Variants in SLC22A25 observed in about 807,000 individuals in gnomAD.
SLC22A25 encodes the protein solute carrier family 22 member 25, also known as MGI:2442751, MGI:2385316, MGI:3042283, MGI:3645714, MGI:3605624, MGI:2442750.
SLC22A25 carries 44 observed loss-of-function variants against 45.9 expected under a neutral mutation model. The ratio of observed to expected loss-of-function variants is 0.96; its 90% CI spans 0.75 to 1.23. The LOEUF is 1.23. SLC22A25 is among the 50% of genes most tolerant of loss of function. The pLI is 0.00. For missense variants in SLC22A25, 800 were observed against 666.4 expected, an observed-to-expected ratio of 1.20 and a Z score of -2.21; for synonymous variants, 283 against 238.6, an observed-to-expected ratio of 1.19 and a Z score of -1.72.
chr11:63,189,190 C>G (rs983961846), intron 7 of SLC22A25, among the ~76,000 whole-genome samples: 67 of 151,986 alleles, frequency 4.4e-4, no homozygotes, highest in African/African-American at 1.4e-3. Flanking sequence ...AAGTCTCTTC[C>G]TAGGTCTCTA....
chr11:63,228,609 G>C (rs775951052), intron 4 of SLC22A25, 45 bp from the exon 5 acceptor site: 4 of 1,397,928 alleles, frequency 2.9e-6, no homozygotes, highest in Non-Finnish European at 4.0e-6. Context: ...TAGCCCCTCA[G>C]TGTAACCTTA....
rs150816477 is a variant in SLC22A25 at position 63,194,686 on chromosome 11, A to G, written c.831-10869T>C. Among the ~76,000 whole-genome samples the G allele has an allele frequency of 7.2e-3, 1,095 of 152,070 alleles. 9 individuals carry two copies. Among genetic ancestry groups the G allele is most frequent in the African/African-American group, 0.024 (1,005 of 41,474 alleles). On this transcript the variant is annotated intron_variant, in intron 7 of 11. Transcript: ENST00000306494. ...AGCAAAATAATCAGCTAACATCATAATGACAGGATCAAATTCACACATAAC... is the reference window on the plus strand; with the variant it reads ...AGCAAAATAATCAGCTAACATCATAGTGACAGGATCAAATTCACACATAAC...
chr11:63,189,141 G>T (rs773400471), intron 7 of SLC22A25, among the ~76,000 whole-genome samples: 1 of 152,112 alleles, frequency 6.6e-6, no homozygotes, highest in Non-Finnish European at 1.5e-5. Flanking sequence ...TGTTGACAGT[G>T]GGGTGTTAAA....
In SLC22A25 at chr11:63,164,028, T is replaced by TC. The variant is rs973443093; in HGVS notation, c.1439dup (p.Ala481SerfsTer37). The TC allele has an allele frequency of 6.2e-7, 1 of 1,611,304 alleles. No individual in the cohort carries two copies. The highest frequency in any genetic ancestry group is 8.5e-7 in the Non-Finnish European group (1 of 1,178,682). The stretch of plus-strand genomic sequence containing the variant: ...GGATCATCATGAGGGAAGCCAGGGC[T>TC]CCCCCAATATTAGCAAAGTTTCCAG... On this transcript the variant is annotated frameshift_variant, in exon 12 of 12. Coordinates refer to ENST00000306494, the MANE Select transcript of SLC22A25 (RefSeq NM_199352.6). LOFTEE classifies it low-confidence loss of function (END_TRUNC).
chr11:63,197,046 A>C (rs2089063389), intron 7 of SLC22A25, among the ~76,000 whole-genome samples: 1 of 152,156 alleles, frequency 6.6e-6, no homozygotes, highest in Non-Finnish European at 1.5e-5. Flanking sequence ...TCCAACTTAC[A>C]AGATATGTGA....
At chr11:63,207,016 A>G (rs548852253) in intron 7 of SLC22A25, among the ~76,000 whole-genome samples, 6 of 152,306 alleles carry the variant, frequency 3.9e-5, no homozygotes, top group African/African-American at 1.4e-4. Context: ...ACCTGACAAA[A>G]ACAAGCAATG....
Position 63,166,051 on chromosome 11 carries a change from C to A in SLC22A25, c.1278G>T (p.Val426=), listed in dbSNP as rs139552228. 2 of 1,613,768 alleles carry A rather than the reference C, an allele frequency of 1.2e-6. No individual in the cohort carries two copies. Among genetic ancestry groups the A allele is most frequent in the Admixed American group, 3.3e-5 (2 of 59,992 alleles). Residue 426 remains valine, a synonymous_variant, in exon 10 of 12, where the codon GTG becomes GTT. Coordinates refer to ENST00000306494, the MANE Select transcript of SLC22A25 (RefSeq NM_199352.6). The part of the protein sequence containing the change: ...LATCLLAIIF[V]PQEMQTLRVV... ...CCTGTGAACTTTTCTCACCTTGAGGCACAAATATGATGGCCAGAAGGCAGG... is the reference window on the plus strand; with the variant it reads ...CCTGTGAACTTTTCTCACCTTGAGGAACAAATATGATGGCCAGAAGGCAGG...
chr11:63,232,827 A>G (rs2090094851), intron 3 of SLC22A25, among the ~76,000 whole-genome samples: 1 of 152,202 alleles, frequency 6.6e-6, no homozygotes, highest in Non-Finnish European at 1.5e-5. Context: ...TAATTTATTG[A>G]GAGTTTTTAG....
chr11:63,223,148 A>G (rs552672941), intron 5 of SLC22A25, among the ~76,000 whole-genome samples: 1 of 151,910 alleles, frequency 6.6e-6, no homozygotes, highest in South Asian at 2.1e-4. Context: ...TTGTATTATG[A>G]GTTTAATATA....
intron 7 of SLC22A25, among the ~76,000 whole-genome samples, chr11:63,212,495 T>A (rs1241054197): frequency 6.6e-6 from 1 of 151,940 alleles, no homozygotes; most frequent in Non-Finnish European, 1.5e-5. Flanking sequence ...CCATAAAAAA[T>A]TATGAGTTCA....
At chr11:63,238,370 C>G (rs1383732334) in intron 2 of SLC22A25, among the ~76,000 whole-genome samples, 2 of 143,110 alleles carry the variant, frequency 1.4e-5, no homozygotes, top group African/African-American at 5.5e-5. Context: ...GGTGTACAGT[C>G]TGGGCATGGG....
rs1020892248 is a variant in SLC22A25 at position 63,229,462 on chromosome 11, G to A, written c.191C>T (p.Pro64Leu). The part of the protein sequence containing the change: ...LDNDTIPDND[P>L]GTLSQDALLR... ...GAGGGCATCCTGGCTGAGGGTCCCA[G>A]GGTCATTGTCAGGGATAGTGTCATT... Residue 64 changes from proline to leucine, a missense_variant, in exon 4 of 12, where the codon CCT (proline) becomes CTT (leucine). Coordinates refer to ENST00000306494, the MANE Select transcript of SLC22A25 (RefSeq NM_199352.6). 5.0e-6 allele frequency: 8 copies of A among 1,614,016 alleles called. No homozygotes were observed. The African/African-American group carries it at 8.0e-5, about 16-fold the overall frequency.
At chr11:63,205,590 C>T (rs970143687) in intron 7 of SLC22A25, among the ~76,000 whole-genome samples, 2 of 152,198 alleles carry the variant, frequency 1.3e-5, no homozygotes, top group Non-Finnish European at 1.5e-5. Flanking sequence ...TACATTCTCC[C>T]AAGACTAAAC....
At chr11:63,239,957 A>G (rs1034459970) in intron 1 of SLC22A25, among the ~76,000 whole-genome samples, 1 of 152,180 alleles carries the variant, frequency 6.6e-6, no homozygotes, top group Non-Finnish European at 1.5e-5. Context: ...AACAACAGGA[A>G]TATGCTCTGA....
At chr11:63,215,260 G>A (rs1231638333) in intron 7 of SLC22A25, among the ~76,000 whole-genome samples, 1 of 152,234 alleles carries the variant, frequency 6.6e-6, no homozygotes, top group East Asian at 1.9e-4. Context: ...CCATAAAAAA[G>A]GATGAGTTCA....
At chr11:63,207,795 C>G (rs2089446967) in intron 7 of SLC22A25, among the ~76,000 whole-genome samples, 2 of 152,168 alleles carry the variant, frequency 1.3e-5, no homozygotes, top group South Asian at 4.1e-4. Flanking sequence ...CAGATAAACT[C>G]AAGTCGTAAA....
chr11:63,189,706 T>C (rs891082611), intron 7 of SLC22A25, among the ~76,000 whole-genome samples: 2 of 152,236 alleles, frequency 1.3e-5, no homozygotes, highest in Admixed American at 1.3e-4. Flanking sequence ...CCATGTTTAG[T>C]GCTTCCTTCA....
chr11:63,218,436 C>G (rs181362557), intron 5 of SLC22A25, among the ~76,000 whole-genome samples: 76 of 152,222 alleles, frequency 5.0e-4, no homozygotes, highest in African/African-American at 1.8e-3. Flanking sequence ...CATTCATACC[C>G]CTAGCCTCAG....
intron 7 of SLC22A25, among the ~76,000 whole-genome samples, chr11:63,192,570 T>TG (rs1291862777): frequency 1.3e-5 from 2 of 152,112 alleles, no homozygotes; most frequent in African/African-American, 4.8e-5. Context: ...CAAGACCCAT[T>TG]GGTGTGCTGT....
Sources: gnomAD v4.1 joint callset for allele counts (sites outside exome capture counted in the v4.1 genomes callset) on GRCh38, gnomAD v4.1.1 for gene constraint, MANE v1.5 for transcripts, NCBI Gene and HGNC (gene_info 2026-07-23, HGNC 2026-07-21) for gene names.